The following APOD variants were observed in gnomAD, a reference collection of about 807,000 sequenced individuals.
APOD encodes apo-D.
APOD carries 22 observed loss-of-function variants against 20.4 expected under a neutral mutation model. That is an observed-to-expected ratio of 1.08 (90% CI 0.77 to 1.54). The LOEUF is 1.54. Ranked by LOEUF, APOD falls within the 40% of genes most tolerant of loss-of-function variation. The pLI is 0.00. For synonymous variants in APOD, 97 were observed against 92.4 expected, an observed-to-expected ratio of 1.05 and a Z score of -0.29; for missense variants, 223 against 229.6, an observed-to-expected ratio of 0.97 and a Z score of 0.19.
intron 1 of APOD, among the ~76,000 whole-genome samples, chr3:195,581,526 T>C (rs1334810479): frequency 6.6e-6 from 1 of 152,082 alleles, no homozygotes; most frequent in East Asian, 1.9e-4. Flanking sequence ...ACCTTAGAGG[T>C]CATCTTTCTA....
At chr3:195,580,827 G>T (rs1720326254) in intron 1 of APOD, among the ~76,000 whole-genome samples, 1 of 152,214 alleles carries the variant, frequency 6.6e-6, no homozygotes, top group African/African-American at 2.4e-5. Flanking sequence ...TGGCTTTGAA[G>T]CGGGGCAGCA....
In APOD at chr3:195,579,248, G is replaced by A. The variant is rs1720294109; in HGVS notation, c.123+91C>T. 3.9e-6 allele frequency: 6 copies of A among 1,556,834 alleles called. No individual in the cohort carries two copies. In the East Asian group the frequency reaches 1.4e-4, roughly 35 times the overall value. ...ATAAATACTTGTCCCAAGGTGTGCA[G>A]TGGAAATTAAAGCAGCATAATTACA... is the stretch of plus-strand genomic sequence containing the variant. On this transcript the variant is annotated intron_variant, in intron 2 of 4. Transcript: ENST00000343267.
At chr3:195,582,038 G>A (rs921903680) in intron 1 of APOD, among the ~76,000 whole-genome samples, 3 of 152,036 alleles carry the variant, frequency 2.0e-5, no homozygotes, top group Non-Finnish European at 4.4e-5. Context: ...GCATGGTGGT[G>A]CATGCCTGTA....
Position 195,576,503 on chromosome 3 carries a change from T to C in APOD, c.124-2532A>G, listed in dbSNP as rs192517609. On this transcript the variant is annotated intron_variant, in intron 2 of 4. Transcript: ENST00000343267. ...GCAAGGTTACAAGATACAAGATTAATATTCAAAAATCAAATATATTTCTCA... is the reference window on the plus strand; with the variant it reads ...GCAAGGTTACAAGATACAAGATTAACATTCAAAAATCAAATATATTTCTCA... Among the ~76,000 whole-genome samples, 6 of 152,324 alleles carry C rather than the reference T, an allele frequency of 3.9e-5. No individual in the cohort carries two copies. In the East Asian group the frequency reaches 1.2e-3, roughly 29 times the overall value.
At chr3:195,570,906 T>A in intron 4 of APOD, 1 of 235,204 alleles carries the variant, frequency 4.3e-6, no homozygotes. Flanking sequence ...GTTGTTCTGC[T>A]AATATCTGCT....
intron 4 of APOD, 121 bp downstream of exon 4, chr3:195,571,156 T>G: frequency 1.1e-6 from 1 of 872,930 alleles, no homozygotes; most frequent in Non-Finnish European, 1.9e-6. Context: ...TGACAGATAA[T>G]TATGTGCTGA....
At position 195,569,010 on chromosome 3, in the gene APOD, T is replaced by G. The variant is rs764560468; in HGVS notation, c.460A>C (p.Asn154His). 4.0e-5 allele frequency: 65 copies of G among 1,613,926 alleles called. No individual in the cohort carries two copies. The highest frequency in any genetic ancestry group is 5.4e-5 in the Non-Finnish European group (64 of 1,179,982). The change falls in exon 5 of 5, where the codon AAT (asparagine) becomes CAT (histidine). Residue 154 changes from asparagine to histidine, a missense_variant. By Grantham distance (68) the Asn-to-His change is moderately conservative. Transcript: ENST00000343267. ...DFAWILARNP[N>H]LPPETVDSLK... ...GAGTCCACTGTTTCTGGAGGGAGATTAGGGTTTCTTGCCAAGATCCAAGCA... is the reference window on the plus strand; with the variant it reads ...GAGTCCACTGTTTCTGGAGGGAGATGAGGGTTTCTTGCCAAGATCCAAGCA...
rs112689930 is a variant in APOD, at chr3:195,576,634, G to GC, written c.124-2664dup. 4.3e-3 allele frequency among the ~76,000 whole-genome samples: 651 copies of GC among 151,508 alleles called. 6 individuals carry two copies. The highest frequency in any genetic ancestry group is 0.014 in the African/African-American group (574 of 41,288). On this transcript the variant is annotated intron_variant, in intron 2 of 4. Coordinates refer to ENST00000343267, the MANE Select transcript of APOD (RefSeq NM_001647.4). ...AGACCAGCATAGCCAACATGGCGAG[G>GC]CCCCATCTCTATAAAAAATTTAAAA... is the stretch of plus-strand genomic sequence containing the variant.
At chr3:195,581,818 C>T (rs773502887) in intron 1 of APOD, among the ~76,000 whole-genome samples, 4 of 152,202 alleles carry the variant, frequency 2.6e-5, no homozygotes, top group Non-Finnish European at 4.4e-5. Context: ...TCAGAACAAC[C>T]CCTTTGACTG....
intron 2 of APOD, among the ~76,000 whole-genome samples, chr3:195,577,766 G>A (rs928211755): frequency 6.6e-6 from 1 of 152,184 alleles, no homozygotes; most frequent in Admixed American, 6.5e-5. Flanking sequence ...ATGCTACAAC[G>A]TGGATGAACC....
intron 4 of APOD, chr3:195,570,733 T>C (rs1479756761): frequency 6.3e-6 from 1 of 157,898 alleles, no homozygotes; most frequent in Non-Finnish European, 1.4e-5. Flanking sequence ...GCTTTCTCTA[T>C]TGCCTGTGTC....
At chr3:195,569,266 C>G in intron 4 of APOD, 131 bp from the exon 5 acceptor site, 2 of 733,340 alleles carry the variant, frequency 2.7e-6, no homozygotes, top group Admixed American at 5.3e-5. Context: ...AATCCAGAAA[C>G]AGAAAGACCC....
At chr3:195,581,162 G>T (rs752672012) in intron 1 of APOD, among the ~76,000 whole-genome samples, 56 of 152,120 alleles carry the variant, frequency 3.7e-4, no homozygotes, top group Non-Finnish European at 6.0e-4. Flanking sequence ...TTGTTGCCTG[G>T]TTTTCCAAAG....
At chr3:195,572,787 C>T (rs563602892) in intron 3 of APOD, among the ~76,000 whole-genome samples, 12 of 150,928 alleles carry the variant, frequency 8.0e-5, no homozygotes, top group East Asian at 3.9e-4. Flanking sequence ...CAAGGGGGGG[C>T]GGATCACAAG....
intron 3 of APOD, among the ~76,000 whole-genome samples, chr3:195,572,826 C>T (rs1446908104): frequency 6.6e-6 from 1 of 151,316 alleles, no homozygotes; most frequent in Non-Finnish European, 1.5e-5. Flanking sequence ...GCCTGGCCAA[C>T]ACAGTGAAAC....
At chr3:195,573,069 A>C (rs183714536) in intron 3 of APOD, among the ~76,000 whole-genome samples, 2 of 152,312 alleles carry the variant, frequency 1.3e-5, no homozygotes, top group East Asian at 3.9e-4. Context: ...GTCTGTTTCT[A>C]TCTGCATACG....
chr3:195,580,556 C>A (rs1720320841), intron 1 of APOD, among the ~76,000 whole-genome samples: 1 of 152,066 alleles, frequency 6.6e-6, no homozygotes, highest in Non-Finnish European at 1.5e-5. Flanking sequence ...AGGTGTCCAC[C>A]ACAACTCCCG....
intron 3 of APOD, among the ~76,000 whole-genome samples, chr3:195,573,596 C>G (rs1720201496): frequency 6.6e-6 from 1 of 152,228 alleles, no homozygotes; most frequent in African/African-American, 2.4e-5. Context: ...ATGTTCTTTG[C>G]TACCAGAGTA....
At chr3:195,573,154 C>T (rs542706900) in intron 3 of APOD, among the ~76,000 whole-genome samples, 22 of 152,298 alleles carry the variant, frequency 1.4e-4, no homozygotes, top group East Asian at 5.8e-4. Flanking sequence ...TGCTCTAGAA[C>T]GGTTTTCAGG....
Sources: gnomAD v4.1 joint callset for allele counts (sites outside exome capture counted in the v4.1 genomes callset) on GRCh38, gnomAD v4.1.1 for gene constraint, MANE v1.5 for transcripts, NCBI Gene and HGNC (gene_info 2026-07-23, HGNC 2026-07-21) for gene names.